KIAA0513: variants seen among roughly 807,000 people sequenced by gnomAD.
The protein encoded by KIAA0513 is KIAA0513.
In KIAA0513, 39 loss-of-function variants were observed where a neutral mutation model predicts 56.5. The observed-to-expected ratio is 0.69, with a 90% confidence interval of 0.53 to 0.90. KIAA0513 has a LOEUF of 0.90. Ranked by LOEUF, KIAA0513 falls within the 40% of genes least tolerant of loss-of-function variation. The probability of loss-of-function intolerance (pLI) is 0.00; values close to 1 mark genes in which losing one functional copy is unlikely to be tolerated. For synonymous variants in KIAA0513, 268 were observed against 215.6 expected, an observed-to-expected ratio of 1.24 and a Z score of -2.13; for missense variants, 591 against 535.2, an observed-to-expected ratio of 1.10 and a Z score of -1.03.
chr16:85,059,567 C>G (rs753338043), intron 1 of KIAA0513, among the ~76,000 whole-genome samples: 4 of 152,228 alleles, frequency 2.6e-5, no homozygotes, highest in Non-Finnish European at 5.9e-5. Context: ...GGTCCCCGCA[C>G]ACACCCCTCT....
chr16:85,030,844 C>T (rs1037758373), intron 1 of KIAA0513, among the ~76,000 whole-genome samples: 37 of 151,886 alleles, frequency 2.4e-4, no homozygotes, highest in African/African-American at 8.4e-4. Context: ...GGGAGGAGTC[C>T]TAAAAAGGAA....
At chr16:85,079,325 C>T (rs1567544451) in intron 8 of KIAA0513, 1 of 337,472 alleles carries the variant, frequency 3.0e-6, no homozygotes, top group Non-Finnish European at 5.5e-6. Flanking sequence ...AACATGTCCT[C>T]ACAAAACCTT....
In KIAA0513 at chr16:85,053,796, A is replaced by G. The variant is rs184658186; in HGVS notation, c.-172-13104A>G. 3.0e-4 allele frequency among the ~76,000 whole-genome samples: 46 copies of G among 152,244 alleles called. 2 individuals are homozygous for G. In the East Asian group the frequency reaches 8.9e-3, roughly 29 times the overall value. On this transcript the variant is annotated intron_variant, in intron 1 of 12. Coordinates refer to ENST00000683363, the MANE Select transcript of KIAA0513 (RefSeq NM_001388359.1). The stretch of plus-strand genomic sequence containing the variant: ...ATCACAAGGTCAAAAGATCAAGACC[A>G]TTCTGGCCAACATGGTGAAACCCCG...
intron 2 of KIAA0513, among the ~76,000 whole-genome samples, chr16:85,071,276 C>A (rs1237095480): frequency 6.6e-6 from 1 of 152,206 alleles, no homozygotes; most frequent in Admixed American, 6.5e-5. Flanking sequence ...TGAGCGAGCG[C>A]CCCGCTGATA....
At chr16:85,086,319 T>C (rs2073807177) in intron 10 of KIAA0513, among the ~76,000 whole-genome samples, 1 of 152,256 alleles carries the variant, frequency 6.6e-6, no homozygotes, top group Non-Finnish European at 1.5e-5. Flanking sequence ...AGTAAGGCTC[T>C]GGGGCCACCC....
At chr16:85,031,067 C>T (rs963720223) in intron 1 of KIAA0513, among the ~76,000 whole-genome samples, 7 of 152,122 alleles carry the variant, frequency 4.6e-5, no homozygotes, top group African/African-American at 1.7e-4. Flanking sequence ...AATTGGAAAC[C>T]GCTACAGTGG....
intron 1 of KIAA0513, among the ~76,000 whole-genome samples, chr16:85,058,961 G>A (rs1432006990): frequency 6.6e-6 from 1 of 152,176 alleles, no homozygotes; most frequent in African/African-American, 2.4e-5. Context: ...GAATTTGGTT[G>A]ATTCCACCGT....
chr16:85,060,807 C>T (rs1567532870), intron 1 of KIAA0513, among the ~76,000 whole-genome samples: 1 of 150,248 alleles, frequency 6.7e-6, no homozygotes, highest in South Asian at 2.1e-4. Context: ...TTGCACCACT[C>T]TACTTCAGCC....
intron 8 of KIAA0513, 22 bp downstream of exon 8, chr16:85,079,025 C>T: frequency 6.2e-7 from 1 of 1,614,118 alleles, no homozygotes; most frequent in Non-Finnish European, 8.5e-7. Context: ...CCCGCGGCTT[C>T]CCGTCACCCT....
chr16:85,069,126 G>C (rs1264595850), intron 2 of KIAA0513, among the ~76,000 whole-genome samples: 1 of 151,744 alleles, frequency 6.6e-6, no homozygotes, highest in East Asian at 1.9e-4. Context: ...CATCTCCTAG[G>C]CTCAAGCAGT....
intron 1 of KIAA0513, among the ~76,000 whole-genome samples, chr16:85,029,212 A>C (rs1311447468): frequency 6.6e-6 from 1 of 152,210 alleles, no homozygotes. Flanking sequence ...AAGTTGACTC[A>C]TGAGATTTTT....
Position 85,067,081 on chromosome 16 carries a change from C to G in KIAA0513, c.10C>G (p.Pro4Ala), listed in dbSNP as rs371047411. MET[P>A]EVPVGSLIDF... ...GCAGCTCCCCTGAGCCATGGAGACC[C>G]CAGAGGTCCCCGTGGGCTCGCTAAT... The change falls in exon 2 of 13, where the codon CCA (proline) becomes GCA (alanine). Residue 4 changes from proline (P) to alanine (A), a missense_variant. Coordinates refer to ENST00000683363, the MANE Select transcript of KIAA0513 (RefSeq NM_001388359.1). 4.8e-5 allele frequency: 76 copies of G among 1,578,142 alleles called. No homozygotes were observed. The highest frequency in any genetic ancestry group is 6.1e-5 in the Non-Finnish European group (71 of 1,160,016).
chr16:85,083,186 G>A lies in KIAA0513; in HGVS notation c.1010+593G>A, dbSNP rs532863357. On this transcript the variant is annotated intron_variant, in intron 10 of 12. Transcript: ENST00000683363. ...GGATGGGGGTGCGAGGGGCCCCCGA[G>A]GAAATCCGAGAATGGGGCTGTTTCC... Among the ~76,000 whole-genome samples, 11 of 152,348 alleles carry A rather than the reference G, an allele frequency of 7.2e-5. No individual in the cohort carries two copies. In the East Asian group the frequency reaches 1.7e-3, roughly 24 times the overall value.
chr16:85,029,537 A>G (rs2143818354), intron 1 of KIAA0513, among the ~76,000 whole-genome samples: 1 of 152,340 alleles, frequency 6.6e-6, no homozygotes, highest in South Asian at 2.1e-4. Flanking sequence ...TCAAAGGTGA[A>G]TTGCTTTATA....
chr16:85,086,513 G>A (rs2073810188), intron 10 of KIAA0513, 131 bp from the exon 11 acceptor site: 2 of 829,284 alleles, frequency 2.4e-6, no homozygotes, highest in South Asian at 3.0e-5. Flanking sequence ...TCCGGTGGAA[G>A]GCACCCCCTT....
At chr16:85,033,312 C>A (rs2072991830) in intron 1 of KIAA0513, among the ~76,000 whole-genome samples, 1 of 152,168 alleles carries the variant, frequency 6.6e-6, no homozygotes, top group African/African-American at 2.4e-5. Flanking sequence ...GACGCCACAG[C>A]AGCAGGGATG....
At chr16:85,079,288 C>G (rs1201740611) in intron 8 of KIAA0513, 2 of 474,860 alleles carry the variant, frequency 4.2e-6, no homozygotes, top group Non-Finnish European at 7.2e-6. Context: ...CCCAGCAGCT[C>G]CACTCCTAGG....
chr16:85,082,507 A>G (rs574258999), intron 9 of KIAA0513, 57 bp from the exon 10 acceptor site: 8 of 1,577,432 alleles, frequency 5.1e-6, no homozygotes, highest in South Asian at 4.4e-5. Flanking sequence ...TACCATCCAC[A>G]TATCTTGCAT....
Position 85,078,913 on chromosome 16 carries a change from C to T in KIAA0513, c.824-12C>T. The T allele has an allele frequency of 1.2e-6, 2 of 1,614,120 alleles. No homozygotes were observed. Among genetic ancestry groups the T allele is most frequent in the East Asian group, 2.2e-5 (1 of 44,886 alleles). The stretch of plus-strand genomic sequence containing the variant: ...CCAGAGCTGCTTTCAGCCATTCTCT[C>T]TCCTCCCACAGTGACCGCGTACAGC... On this transcript the variant is annotated splice_polypyrimidine_tract_variant and intron_variant, in intron 7 of 12. Transcript: ENST00000683363.
Sources: allele counts gnomAD v4.1 joint callset (sites outside exome capture counted in the v4.1 genomes callset), GRCh38; gene constraint gnomAD v4.1.1; transcripts MANE v1.5; gene names NCBI Gene and HGNC (gene_info 2026-07-23, HGNC 2026-07-21).